The following ESR1 variants were observed in gnomAD, a reference collection of about 807,000 sequenced individuals.
The protein encoded by ESR1 is estrogen receptor.
ESR1 carries 12 observed loss-of-function variants against 52.7 expected under a neutral mutation model. The observed-to-expected ratio is 0.23, with a 90% confidence interval of 0.15 to 0.37. The LOEUF is 0.37. ESR1 is among the 10% of genes least tolerant of loss of function. ESR1 has a pLI of 1.00. For synonymous variants in ESR1, 305 were observed against 316.8 expected, an observed-to-expected ratio of 0.96 and a Z score of 0.39; for missense variants, 584 against 779.7, an observed-to-expected ratio of 0.75 and a Z score of 2.99.
intron 3 of ESR1, among the ~76,000 whole-genome samples, chr6:151,911,022 A>G (rs920531859): frequency 2.0e-4 from 31 of 152,114 alleles, no homozygotes; most frequent in African/African-American, 6.8e-4. Flanking sequence ...TTGCGCACCT[A>G]TGAGAATCTA....
intron 2 of ESR1, among the ~76,000 whole-genome samples, chr6:151,775,245 G>A (rs1400956074): frequency 1.3e-5 from 2 of 152,158 alleles, no homozygotes; most frequent in South Asian, 2.1e-4. Flanking sequence ...CAAAATGCTT[G>A]CGACCAGATT....
intron 6 of ESR1, among the ~76,000 whole-genome samples, chr6:152,084,386 C>T (rs1043423170): frequency 2.7e-5 from 4 of 150,328 alleles, no homozygotes; most frequent in African/African-American, 7.4e-5. Flanking sequence ...CAAACCTGCA[C>T]GTTGTGCACC....
intron 2 of ESR1, among the ~76,000 whole-genome samples, chr6:151,789,046 C>G (rs1213241559): frequency 6.6e-6 from 1 of 152,036 alleles, no homozygotes; most frequent in Non-Finnish European, 1.5e-5. Context: ...GTACAACAAA[C>G]CCCCATGACA....
intron 1 of ESR1, among the ~76,000 whole-genome samples, chr6:151,837,391 C>A (rs1044496980): frequency 6.6e-5 from 10 of 152,042 alleles, no homozygotes; most frequent in Non-Finnish European, 7.4e-5. Context: ...AGCCACCACA[C>A]CCAGCCCAGA....
chr6:151,843,357 TCAAA>T (rs1172031267), intron 2 of ESR1, among the ~76,000 whole-genome samples: 3 of 152,196 alleles, frequency 2.0e-5, no homozygotes, highest in Non-Finnish European at 4.4e-5. Flanking sequence ...ATCATCTTTA[TCAAA>T]CAGTTATTAA....
At chr6:151,883,134 T>G (rs1282455187) in intron 3 of ESR1, among the ~76,000 whole-genome samples, 4 of 151,996 alleles carry the variant, frequency 2.6e-5, no homozygotes, top group Admixed American at 6.6e-5. Context: ...TTTTTTTTTT[T>G]TGAGAGATGG....
intron 3 of ESR1, among the ~76,000 whole-genome samples, chr6:151,898,653 C>G (rs867477737): frequency 6.6e-6 from 1 of 152,054 alleles, no homozygotes; most frequent in Non-Finnish European, 1.5e-5. Context: ...CATCTTGCAC[C>G]GCCCTTAATC....
chr6:151,795,124 G>A (rs1206020328), intron 2 of ESR1, among the ~76,000 whole-genome samples: 1 of 152,138 alleles, frequency 6.6e-6, no homozygotes, highest in East Asian at 1.9e-4. Flanking sequence ...CAATTTTATA[G>A]ATTCAGCTTA....
At chr6:152,060,000 T>C (rs1272798124) in intron 5 of ESR1, among the ~76,000 whole-genome samples, 2 of 152,340 alleles carry the variant, frequency 1.3e-5, no homozygotes, top group African/African-American at 4.8e-5. Flanking sequence ...TATATATTTG[T>C]GCATGCAGAA....
rs187686313 is a variant in ESR1 at position 151,986,478 on chromosome 6, A to G, written c.1097-25178A>G. ...GTGAGCATCCCCCAGGCCCCTTGGT[A>G]TGGAGAAAGCAGTTTATTTGTCTTA... On this transcript the variant is annotated intron_variant, in intron 4 of 7. Transcript: ENST00000206249. Among the ~76,000 whole-genome samples, 291 of 152,208 alleles carry G rather than the reference A, an allele frequency of 1.9e-3. 1 individual carries two copies. Among genetic ancestry groups the G allele is most frequent in the Non-Finnish European group, 3.6e-3 (247 of 68,018 alleles).
chr6:151,806,040 T>A (rs977972342), upstream of ESR1, among the ~76,000 whole-genome samples: 1 of 152,202 alleles, frequency 6.6e-6, no homozygotes, highest in African/African-American at 2.4e-5. Context: ...GAAGTGCTTT[T>A]TGCATGTGTT....
At chr6:151,929,456 A>T (rs929669368) in intron 3 of ESR1, among the ~76,000 whole-genome samples, 1 of 152,098 alleles carries the variant, frequency 6.6e-6, no homozygotes, top group Non-Finnish European at 1.5e-5. Context: ...GAGTTATTAC[A>T]TTTAAAGTGG....
chr6:151,947,283 C>A (rs6930321), intron 4 of ESR1, among the ~76,000 whole-genome samples: 3 of 152,164 alleles, frequency 2.0e-5, no homozygotes, highest in African/African-American at 7.2e-5. Flanking sequence ...CCCACAACTG[C>A]ACTCCGGCCT....
At chr6:152,047,592 C>T (rs369352530) in intron 5 of ESR1, among the ~76,000 whole-genome samples, 113 of 152,148 alleles carry the variant, frequency 7.4e-4, no homozygotes, top group African/African-American at 2.7e-3. Context: ...GTTTTCTTTT[C>T]GTCCTGCTAT....
At chr6:151,828,967 A>G (rs1378655043) in intron 1 of ESR1, among the ~76,000 whole-genome samples, 1 of 152,240 alleles carries the variant, frequency 6.6e-6, no homozygotes, top group African/African-American at 2.4e-5. Context: ...AAGTCAAGGA[A>G]GAGTAACCCA....
Position 151,877,050 on chromosome 6 carries a change from A to C in ESR1, c.644-3605A>C, listed in dbSNP as rs763634714. ...TTTTTTAGAAAATCAACTCTACTTC[A>C]GTAAGATTTTCTCAAGCATTATCTT... On this transcript the variant is annotated intron_variant, in intron 2 of 7. Coordinates refer to ENST00000206249, the MANE Select transcript of ESR1 (RefSeq NM_000125.4). Among the ~76,000 whole-genome samples, 5 of 151,906 alleles carry C rather than the reference A, an allele frequency of 3.3e-5. No homozygotes were observed. The South Asian group carries it at 1.0e-3, about 31-fold the overall frequency.
At chr6:151,861,352 A>G (rs1442247307) in intron 2 of ESR1, among the ~76,000 whole-genome samples, 1 of 152,228 alleles carries the variant, frequency 6.6e-6, no homozygotes, top group East Asian at 1.9e-4. Context: ...ATTAATCAGT[A>G]GAAGGAGAAT....
At chr6:151,787,678 T>C (rs992885819) in intron 2 of ESR1, among the ~76,000 whole-genome samples, 1 of 152,170 alleles carries the variant, frequency 6.6e-6, no homozygotes, top group Non-Finnish European at 1.5e-5. Context: ...GGCTAAGTGA[T>C]TTCTGTATGT....
intron 4 of ESR1, among the ~76,000 whole-genome samples, chr6:151,995,374 C>T (rs1215588405): frequency 5.3e-5 from 8 of 152,026 alleles, no homozygotes; most frequent in East Asian, 3.9e-4. Flanking sequence ...TTCATCCATC[C>T]GTCCTTCCAT....
Sources: allele counts gnomAD v4.1 joint callset (sites outside exome capture counted in the v4.1 genomes callset), GRCh38; gene constraint gnomAD v4.1.1; transcripts MANE v1.5; gene names NCBI Gene and HGNC (gene_info 2026-07-23, HGNC 2026-07-21).